The following ROBO2 variants were observed in gnomAD, a reference collection of about 807,000 sequenced individuals.
ROBO2 encodes the protein roundabout homolog 2.
ROBO2 carries 53 observed loss-of-function variants against 160.8 expected under a neutral mutation model. The observed-to-expected ratio is 0.33, with a 90% CI of 0.26 to 0.41. ROBO2 has a LOEUF of 0.41. Among genes scored for constraint, ROBO2 ranks in the 10% least tolerant of loss-of-function variants. The pLI, the probability that ROBO2 is intolerant of heterozygous loss-of-function variation, is 1.00. For synonymous variants in ROBO2, 664 were observed against 611.7 expected, an observed-to-expected ratio of 1.09 and a Z score of -1.26; for missense variants, 1,577 against 1,722.4, an observed-to-expected ratio of 0.92 and a Z score of 1.49.
At chr3:77,584,409 A>G (rs930600543) in intron 16 of ROBO2, among the ~76,000 whole-genome samples, 2 of 152,162 alleles carry the variant, frequency 1.3e-5, no homozygotes, top group African/African-American at 4.8e-5. Context: ...AAATAAACAA[A>G]TAAGAAATCT....
chr3:76,984,258 A>G (rs2060253375), intron 2 of ROBO2, among the ~76,000 whole-genome samples: 1 of 152,202 alleles, frequency 6.6e-6, no homozygotes, highest in Admixed American at 6.5e-5. Flanking sequence ...AGAAGACTGC[A>G]AGCCTGGTTT....
At chr3:77,597,321 A>AATC (rs2094329588) in intron 19 of ROBO2, among the ~76,000 whole-genome samples, 1 of 105,238 alleles carries the variant, frequency 9.5e-6, no homozygotes, top group African/African-American at 3.3e-5. Context: ...ATAAATAAAT[A>AATC]AATAAAAAAG....
chr3:77,443,665 T>A (rs1173153280), intron 2 of ROBO2, among the ~76,000 whole-genome samples: 1 of 152,202 alleles, frequency 6.6e-6, no homozygotes, highest in Non-Finnish European at 1.5e-5. Flanking sequence ...TTTACCTATA[T>A]ATTAACATAA....
chr3:77,258,600 GT>G (rs1174039067), intron 2 of ROBO2, among the ~76,000 whole-genome samples: 3 of 147,360 alleles, frequency 2.0e-5, no homozygotes, highest in Non-Finnish European at 4.4e-5. Flanking sequence ...TCCAGCCTGG[GT>G]GACAGACGGA....
At chr3:76,722,956 A>G (rs1160660681) in intron 2 of ROBO2, among the ~76,000 whole-genome samples, 1 of 152,210 alleles carries the variant, frequency 6.6e-6, no homozygotes. Context: ...TATGTACATA[A>G]TTTATATTAA....
At chr3:76,038,435 A>G (rs1157324376) in intron 2 of ROBO2, among the ~76,000 whole-genome samples, 1 of 151,998 alleles carries the variant, frequency 6.6e-6, no homozygotes, top group Non-Finnish European at 1.5e-5. Flanking sequence ...GAATGAGATT[A>G]CATTGTATGA....
chr3:77,191,013 T>C (rs2081789618), intron 2 of ROBO2, among the ~76,000 whole-genome samples: 1 of 152,104 alleles, frequency 6.6e-6, no homozygotes, highest in South Asian at 2.1e-4. Flanking sequence ...AAGCAAAAAA[T>C]CAAAACACAG....
intron 2 of ROBO2, among the ~76,000 whole-genome samples, chr3:76,567,793 G>A (rs1325640967): frequency 1.5e-3 from 128 of 82,972 alleles, no homozygotes; most frequent in African/African-American, 5.8e-3. Context: ...GTGTGTGTGT[G>A]TGTGTATATA....
At chr3:76,072,837 A>G (rs1376589332) in intron 2 of ROBO2, among the ~76,000 whole-genome samples, 1 of 152,210 alleles carries the variant, frequency 6.6e-6, no homozygotes. Flanking sequence ...CCTCAGAGGC[A>G]GTAAAGTTGT....
intron 2 of ROBO2, among the ~76,000 whole-genome samples, chr3:76,036,361 G>C (rs2067107997): frequency 6.6e-6 from 1 of 151,808 alleles, no homozygotes; most frequent in South Asian, 2.1e-4. Flanking sequence ...TGTTGGTCAG[G>C]CTGGTCTCGA....
intron 2 of ROBO2, among the ~76,000 whole-genome samples, chr3:76,405,918 G>A (rs1372153367): frequency 1.3e-5 from 2 of 151,504 alleles, no homozygotes. Flanking sequence ...GAAGGTTTTT[G>A]GCACCCTTTG....
At chr3:76,667,513 T>C (rs1397563172) in intron 2 of ROBO2, among the ~76,000 whole-genome samples, 1 of 152,200 alleles carries the variant, frequency 6.6e-6, no homozygotes, top group Admixed American at 6.5e-5. Context: ...AAGACCAGTA[T>C]GTTATTTAAT....
At chr3:76,059,653 A>C (rs994344821) in intron 2 of ROBO2, among the ~76,000 whole-genome samples, 1 of 152,116 alleles carries the variant, frequency 6.6e-6, no homozygotes, top group Admixed American at 6.5e-5. Context: ...TCTTTAGTTT[A>C]ATTAGATCCT....
chr3:77,633,905 G>A (rs1246430002), intron 23 of ROBO2: 2 of 152,192 alleles, frequency 1.3e-5, no homozygotes, highest in African/African-American at 4.8e-5. Context: ...GAAGGCACAA[G>A]TGCATTTCCT....
rs558056376 is a variant in ROBO2 at position 77,075,222 on chromosome 3, G to C, written c.62-22792G>C. On this transcript the variant is annotated intron_variant, in intron 1 of 25. Coordinates refer to ENST00000461745, the Ensembl canonical transcript of ROBO2. ...TTGGGACTCATATCTTTCCAACTAAGTTCACGTGAGAGTATTTTTTATCGT... is the reference window on the plus strand; with the variant it reads ...TTGGGACTCATATCTTTCCAACTAACTTCACGTGAGAGTATTTTTTATCGT... Among the ~76,000 whole-genome samples, 27 of 152,206 alleles carry C rather than the reference G, an allele frequency of 1.8e-4. 1 individual carries two copies. The South Asian group carries it at 5.4e-3, about 30-fold the overall frequency.
chr3:77,495,574 G>T (rs909139105), intron 5 of ROBO2, among the ~76,000 whole-genome samples: 4 of 152,166 alleles, frequency 2.6e-5, no homozygotes, highest in Admixed American at 2.6e-4. Flanking sequence ...CAGGTCCTTA[G>T]TTTTTCTAGT....
chr3:75,940,262 TCTCAA>T (rs1947991934), intron 2 of ROBO2, among the ~76,000 whole-genome samples: 1 of 152,120 alleles, frequency 6.6e-6, no homozygotes. Flanking sequence ...TCATAGTATA[TCTCAA>T]CTGTGTGCAA....
intron 2 of ROBO2, among the ~76,000 whole-genome samples, chr3:76,314,073 A>G (rs7636157): frequency 0.012 from 1,773 of 152,294 alleles, 35 homozygotes; most frequent in African/African-American, 0.041. Context: ...AAGCTCATCA[A>G]TGAACATGAC....
intron 2 of ROBO2, among the ~76,000 whole-genome samples, chr3:76,961,647 G>A (rs1213520845): frequency 6.6e-6 from 1 of 152,096 alleles, no homozygotes; most frequent in African/African-American, 2.4e-5. Context: ...CATGGCTTGG[G>A]TTATTACACT....
Sources: allele counts gnomAD v4.1 joint callset (sites outside exome capture counted in the v4.1 genomes callset), GRCh38; gene constraint gnomAD v4.1.1; transcripts MANE v1.5; gene names NCBI Gene and HGNC (gene_info 2026-07-23, HGNC 2026-07-21).